Variants in FAM120C observed in about 807,000 individuals in gnomAD.
The protein encoded by FAM120C is constitutive coactivator of PPAR-gamma-like protein 2.
Under a neutral mutation model 71.2 loss-of-function variants are expected in FAM120C, and 14 were observed. That is an observed-to-expected ratio of 0.20 (90% CI 0.13 to 0.31). The LOEUF (loss-of-function observed/expected upper bound fraction) is 0.31. FAM120C is among the 10% of genes least tolerant of loss of function. FAM120C has a pLI of 1.00. For missense variants in FAM120C, 500 were observed against 879.0 expected (o/e 0.57, Z 5.45); for synonymous variants, 354 against 353.2 (o/e 1.00, Z -0.03).
chrX:54,169,260 G>C (rs938449417), intron 1 of FAM120C, among the ~76,000 whole-genome samples: 2 of 111,262 alleles, frequency 1.8e-5, no homozygotes, highest in African/African-American at 6.5e-5. Flanking sequence ...ATCATGCACT[G>C]CACACCAATC....
intron 4 of FAM120C, chrX:54,147,227 TA>T (rs1477763414): frequency 1.8e-5 from 2 of 110,507 alleles, no homozygotes; most frequent in Non-Finnish European, 3.8e-5. Flanking sequence ...TGAGGCACAG[TA>T]ATCGCTTGAA....
In FAM120C at chrX:54,068,431, T is replaced by C. The variant is rs1459427806; in HGVS notation, c.*4602A>G. ...AGACCAATTTCCATCACAGAACAAC[T>C]CCTGAGGCATTCTCATTCCTTTCTG... On this transcript the variant is annotated 3_prime_UTR_variant, in exon 16 of 16. Coordinates refer to ENST00000375180, the MANE Select transcript of FAM120C (RefSeq NM_017848.6). The C allele has an allele frequency of 1.8e-5, 2 of 111,713 alleles. No homozygotes were observed. Among genetic ancestry groups the C allele is most frequent in the African/African-American group, 6.5e-5 (2 of 30,751 alleles). The allele number at this position is 111,713 out of a possible 1,213,427, so 9.2% of individuals were successfully genotyped here. A position where few individuals can be genotyped will look rare whatever the true frequency, so the allele number is the denominator to read the frequency against.
At chrX:54,160,513 T>C (rs1306804273) in intron 1 of FAM120C, among the ~76,000 whole-genome samples, 1 of 111,368 alleles carries the variant, frequency 9.0e-6, no homozygotes, top group Non-Finnish European at 1.9e-5. Flanking sequence ...TGGAGATCAC[T>C]ATTTTTTATG....
chrX:54,114,141 G>A (rs2066954236), intron 10 of FAM120C, among the ~76,000 whole-genome samples: 1 of 110,933 alleles, frequency 9.0e-6, no homozygotes, highest in South Asian at 3.8e-4. Flanking sequence ...TGGAACTAGA[G>A]GCCATTATCT....
chrX:54,148,227 G>C (rs2067167292), intron 4 of FAM120C, among the ~76,000 whole-genome samples: 1 of 110,819 alleles, frequency 9.0e-6, no homozygotes, highest in African/African-American at 3.3e-5. Context: ...GCACTCATAT[G>C]CATTATAAAG....
intron 9 of FAM120C, among the ~76,000 whole-genome samples, chrX:54,117,699 A>C (rs914528914): frequency 9.1e-6 from 1 of 109,669 alleles, no homozygotes; most frequent in Admixed American, 9.9e-5. Context: ...CTTCGTTTGA[A>C]AAAAAAACAA....
intron 1 of FAM120C, among the ~76,000 whole-genome samples, chrX:54,163,873 T>C (rs2067245973): frequency 9.5e-6 from 1 of 104,888 alleles, no homozygotes; most frequent in Non-Finnish European, 1.9e-5. Flanking sequence ...CTTGCCCCCC[T>C]CCTTTTTATG....
At chrX:54,155,924 C>T (rs1202430307) in intron 3 of FAM120C, among the ~76,000 whole-genome samples, 11 of 110,796 alleles carry the variant, frequency 9.9e-5, no homozygotes, top group African/African-American at 3.3e-4. Context: ...AAGACCCTGT[C>T]TCTTAAAAAA....
intron 10 of FAM120C, among the ~76,000 whole-genome samples, chrX:54,096,343 G>T (rs919387811): frequency 7.2e-5 from 8 of 111,330 alleles, no homozygotes; most frequent in Non-Finnish European, 1.3e-4. Flanking sequence ...CCCAGGAGGC[G>T]GAGGTTGTAG....
chrX:54,085,846 G>A lies in FAM120C; in HGVS notation c.2708C>T (p.Pro903Leu), dbSNP rs959106269. Residue 903 changes from proline to leucine, a missense_variant, in exon 13 of 16, where the codon CCG (proline) becomes CTG (leucine). Physicochemically the swap from Pro to Leu is moderately conservative, Grantham distance 98. Around this residue, in one of 11 missense-constraint regions of FAM120C, gnomAD observed 34 missense variants for 45.2 expected, o/e 0.75. Transcript: ENST00000375180. Reference sequence around the variant, plus strand: ...AGGTGACGGAAGTAGAGCAGAAGGCGGTGGATGATTCATGTTGACTCCTTC... The same window carrying A: ...AGGTGACGGAAGTAGAGCAGAAGGCAGTGGATGATTCATGTTGACTCCTTC... ...ILEGVNMNHP[P>L]PSALLPSPTF... The A allele has an allele frequency of 1.1e-5, 13 of 1,211,418 alleles. No homozygotes were observed. Among genetic ancestry groups the A allele is most frequent in the Non-Finnish European group, 1.3e-5 (12 of 895,279 alleles).
chrX:54,140,444 C>T (rs146553006), intron 4 of FAM120C, among the ~76,000 whole-genome samples: 3,156 of 105,947 alleles, frequency 0.03, 123 homozygotes, highest in African/African-American at 0.1. Context: ...CATGGTGATA[C>T]CCCATCTTTA....
chrX:54,156,730 T>C (rs2067211670), intron 3 of FAM120C, among the ~76,000 whole-genome samples: 1 of 107,101 alleles, frequency 9.3e-6, no homozygotes, highest in South Asian at 4.2e-4. Flanking sequence ...CTATTAAAAA[T>C]ACAAAAATTA....
chrX:54,128,249 G>A (rs2067038882), intron 9 of FAM120C, among the ~76,000 whole-genome samples: 6 of 110,725 alleles, frequency 5.4e-5, no homozygotes, highest in African/African-American at 1.6e-4. Flanking sequence ...TAGTAGAGAC[G>A]GGTTTCGTCA....
chrX:54,124,578 C>T (rs1204375627), intron 9 of FAM120C, among the ~76,000 whole-genome samples: 1 of 97,021 alleles, frequency 1.0e-5, no homozygotes, highest in Non-Finnish European at 2.1e-5. Context: ...TGCTTCGGCT[C>T]GCGCACGGTG....
At chrX:54,109,557 G>A (rs1465719470) in intron 10 of FAM120C, among the ~76,000 whole-genome samples, 2 of 108,488 alleles carry the variant, frequency 1.8e-5, no homozygotes, top group Non-Finnish European at 3.8e-5. Flanking sequence ...GGAGGCTGCA[G>A]TGAGCCATGA....
intron 4 of FAM120C, among the ~76,000 whole-genome samples, chrX:54,148,765 G>A (rs1027829826): frequency 3.6e-5 from 4 of 111,433 alleles, no homozygotes; most frequent in Admixed American, 9.6e-5. Context: ...ATAACATGGC[G>A]GCTACAGTTA....
chrX:54,099,639 T>A lies in FAM120C; in HGVS notation c.2313-8213A>T, dbSNP rs181348396. The stretch of plus-strand genomic sequence containing the variant: ...TCTGACATTTAAGTCTATGATATAT[T>A]TTGAGCTAATTTTTGTATATAGTGT... On this transcript the variant is annotated intron_variant, in intron 10 of 15. Coordinates refer to ENST00000375180, the MANE Select transcript of FAM120C (RefSeq NM_017848.6). 6.2e-5 allele frequency among the ~76,000 whole-genome samples: 7 copies of A among 112,297 alleles called. No individual in the cohort carries two copies. The East Asian group carries it at 1.4e-3, about 23-fold the overall frequency.
rs1223847931 is a variant in FAM120C, at chrX:54,071,963, T to C, written c.*1070A>G. ...ATGTATGTATGTATGTATGTATGTA[T>C]GTATGTGTGTATATATGTGTGTATA... On this transcript the variant is annotated 3_prime_UTR_variant, in exon 16 of 16. Transcript: ENST00000375180. 2 of 104,131 alleles carry C rather than the reference T, an allele frequency of 1.9e-5. No individual in the cohort carries two copies. The highest frequency in any genetic ancestry group is 7.0e-5 in the African/African-American group (2 of 28,641). The allele number at this position is 104,131 out of a possible 1,213,427, so 8.6% of individuals were successfully genotyped here. A position where few individuals can be genotyped will look rare whatever the true frequency, so the allele number is the denominator to read the frequency against.
intron 14 of FAM120C, 124 bp downstream of exon 14, chrX:54,081,197 GA>G (rs1248425699): frequency 8.1e-5 from 54 of 669,584 alleles, no homozygotes; most frequent in Non-Finnish European, 9.3e-5. Flanking sequence ...AAGAAAAAAA[GA>G]AAAAAAAAGT....
Sources: allele counts gnomAD v4.1 joint callset (sites outside exome capture counted in the v4.1 genomes callset), GRCh38; gene constraint gnomAD v4.1.1; regional missense constraint gnomAD v4.1.1; transcripts MANE v1.5; gene names NCBI Gene and HGNC (gene_info 2026-07-23, HGNC 2026-07-21).